The following FEM1C variants were observed in gnomAD, a reference collection of about 807,000 sequenced individuals.
The protein encoded by FEM1C is protein fem-1 homolog C.
FEM1C carries 15 observed loss-of-function variants against 37.6 expected under a neutral mutation model. The observed-to-expected ratio is 0.40, with a 90% CI of 0.27 to 0.61. The LOEUF is 0.61. Among genes scored for constraint, FEM1C ranks in the 20% least tolerant of loss-of-function variants. FEM1C has a pLI of 0.42. For synonymous variants in FEM1C, 287 were observed against 272.8 expected, an observed-to-expected ratio of 1.05 and a Z score of -0.51; for missense variants, 532 against 749.7, an observed-to-expected ratio of 0.71 and a Z score of 3.39.
intron 2 of FEM1C, among the ~76,000 whole-genome samples, chr5:115,537,668 A>T (rs1754156532): frequency 6.6e-6 from 1 of 152,110 alleles, no homozygotes; most frequent in African/African-American, 2.4e-5. Flanking sequence ...TAATGACTTC[A>T]ACTAGTAAGT....
intron 2 of FEM1C, among the ~76,000 whole-genome samples, chr5:115,540,771 A>T (rs752977913): frequency 6.6e-6 from 1 of 152,116 alleles, no homozygotes; most frequent in Non-Finnish European, 1.5e-5. Context: ...CTCTCCAATA[A>T]CATAGGCTTT....
chr5:115,534,899 T>A lies in FEM1C; in HGVS notation c.544+8051A>T, dbSNP rs574254101. ...GCAAGAAAATAGAGAAGGATTCTTA[T>A]TTTCTTGTTTGCTATATAGATACTT... On this transcript the variant is annotated intron_variant, in intron 2 of 2. Transcript: ENST00000274457. 8.0e-4 allele frequency among the ~76,000 whole-genome samples: 122 copies of A among 152,058 alleles called. 1 individual carries two copies. Among genetic ancestry groups the A allele is most frequent in the African/African-American group, 2.5e-3 (104 of 41,532 alleles).
chr5:115,543,720 T>G, intron 1 of FEM1C, 37 bp from the exon 2 acceptor site: 4 of 1,345,014 alleles, frequency 3.0e-6, no homozygotes, highest in Non-Finnish European at 3.8e-6. Context: ...CATTTAATTT[T>G]CTATAGAAGA....
At chr5:115,529,024 A>G (rs1050201398) in intron 2 of FEM1C, among the ~76,000 whole-genome samples, 4 of 152,108 alleles carry the variant, frequency 2.6e-5, no homozygotes, top group Admixed American at 2.0e-4. Flanking sequence ...TGGTAAAAGA[A>G]CAGAAAAGAT....
chr5:115,526,042 T>G (rs2127169196), intron 2 of FEM1C, among the ~76,000 whole-genome samples: 1 of 152,180 alleles, frequency 6.6e-6, no homozygotes, highest in South Asian at 2.1e-4. Flanking sequence ...TTTTTTTTCT[T>G]TAGAGACCAG....
At chr5:115,542,740 G>A (rs1395703551) in intron 2 of FEM1C, among the ~76,000 whole-genome samples, 10 of 152,162 alleles carry the variant, frequency 6.6e-5, no homozygotes, top group African/African-American at 2.4e-4. Context: ...AGAAAATACT[G>A]CTTAACAGAG....
At position 115,525,196 on chromosome 5, in the gene FEM1C, T is replaced by C. The variant is rs777071083; in HGVS notation, c.966A>G (p.Ala322=). 6 of 1,613,438 alleles carry C rather than the reference T, an allele frequency of 3.7e-6. No individual in the cohort carries two copies. The highest frequency in any genetic ancestry group is 3.3e-5 in the Admixed American group (2 of 59,966). The change falls in exon 3 of 3, where the codon GCA becomes GCG. Residue 322 remains alanine (A), a synonymous_variant. Transcript: ENST00000274457. ...IADPDEMRMQ[A]LLIRERILGP... ...CAAGAATACGTTCTCTGATTAATAG[T>C]GCCTGCATTCTCATCTCATCAGGAT...
chr5:115,539,014 C>T (rs975752091), intron 2 of FEM1C, among the ~76,000 whole-genome samples: 1 of 152,002 alleles, frequency 6.6e-6, no homozygotes, highest in African/African-American at 2.4e-5. Context: ...TATACTATTC[C>T]TTCAGAAGTT....
chr5:115,536,384 A>G (rs892393807), intron 2 of FEM1C, among the ~76,000 whole-genome samples: 2 of 151,988 alleles, frequency 1.3e-5, no homozygotes, highest in Non-Finnish European at 1.5e-5. Flanking sequence ...TCTTCAGCCT[A>G]CTATGCTTGG....
intron 1 of FEM1C, chr5:115,544,141 C>A (rs1390616903): frequency 1.0e-6 from 1 of 985,456 alleles, no homozygotes; most frequent in Non-Finnish European, 1.2e-6. Context: ...ACACACCAAA[C>A]CCCGGCTAAG....
rs958231987 is a variant in FEM1C, at chr5:115,521,172, G to C, written c.*3136C>G. 2 of 151,510 alleles carry C rather than the reference G, an allele frequency of 1.3e-5. No individual in the cohort carries two copies. The highest frequency in any genetic ancestry group is 4.8e-5 in the African/African-American group (2 of 41,346). The allele number at this position is 151,510 out of a possible 1,614,324, so 9.4% of individuals were successfully genotyped here. A position where few individuals can be genotyped will look rare whatever the true frequency, so the allele number is the denominator to read the frequency against. On this transcript the variant is annotated 3_prime_UTR_variant, in exon 3 of 3. Transcript: ENST00000274457. ...AACTCTAAAATGGTTAAAGTTCTAG[G>C]CAATAATGCTGCTGTTACAGTGTAA...
Position 115,526,026 on chromosome 5 carries a change from G to A in FEM1C, c.545-409C>T, listed in dbSNP as rs560303627. Among the ~76,000 whole-genome samples the A allele has an allele frequency of 2.0e-5, 3 of 151,768 alleles. No homozygotes were observed. The South Asian group carries it at 6.3e-4, about 32-fold the overall frequency. On this transcript the variant is annotated intron_variant, in intron 2 of 2. Transcript: ENST00000274457. ...TTCCACATTTATAAACAAGGAATTGGTCTTTTTTTTTTTCTTTAGAGACCA... is the reference window on the plus strand; with the variant it reads ...TTCCACATTTATAAACAAGGAATTGATCTTTTTTTTTTTCTTTAGAGACCA...
chr5:115,524,021 AAC>A lies in FEM1C; in HGVS notation c.*285_*286del. 3.2e-6 allele frequency: 1 copy of A among 311,548 alleles called. No individual in the cohort carries two copies. Among genetic ancestry groups the A allele is most frequent in the Non-Finnish European group, 5.9e-6 (1 of 170,230 alleles). 19.3% of individuals were successfully genotyped at this position (311,548 alleles called of 1,614,324 possible). A position where few individuals can be genotyped will look rare whatever the true frequency, so the allele number is the denominator to read the frequency against. ...TGGAGAAATGGTTAACTCTGCCCCA[AAC>A]ACCCAACAGCAAACAAAACCAGAAT... is the stretch of plus-strand genomic sequence containing the variant. On this transcript the variant is annotated 3_prime_UTR_variant, in exon 3 of 3. Transcript: ENST00000274457.
At chr5:115,538,598 A>C (rs1014871906) in intron 2 of FEM1C, among the ~76,000 whole-genome samples, 1 of 151,934 alleles carries the variant, frequency 6.6e-6, no homozygotes, top group Non-Finnish European at 1.5e-5. Flanking sequence ...ATGCAGTTAG[A>C]TAAGTTTCTC....
rs1190634775 is a variant in FEM1C, at chr5:115,523,317, A to G, written c.*991T>C. 1 of 152,516 alleles carries G rather than the reference A, an allele frequency of 6.6e-6. No individual in the cohort carries two copies. Among genetic ancestry groups the G allele is most frequent in the African/African-American group, 2.4e-5 (1 of 41,448 alleles). 9.4% of individuals were successfully genotyped at this position (152,516 alleles called of 1,614,324 possible). On this transcript the variant is annotated 3_prime_UTR_variant, in exon 3 of 3. Transcript: ENST00000274457. ...TGCAGTTCAATTACTGAGTATTTCAATGTGACTCATTAAGCTGTGTGATGA... is the reference window on the plus strand; with the variant it reads ...TGCAGTTCAATTACTGAGTATTTCAGTGTGACTCATTAAGCTGTGTGATGA...
In FEM1C at chr5:115,542,978, C is replaced by A. The variant is rs1374412512; in HGVS notation, c.516G>T (p.Gly172=). The A allele has an allele frequency of 6.2e-7, 1 of 1,613,604 alleles. No homozygotes were observed. The highest frequency in any genetic ancestry group is 8.5e-7 in the Non-Finnish European group (1 of 1,179,600). The change falls in exon 2 of 3, where the codon GGG becomes GGT. Residue 172 remains glycine (G), a synonymous_variant. Coordinates refer to ENST00000274457, the MANE Select transcript of FEM1C (RefSeq NM_020177.3). ...KEIAQYLLEK[G]ADVNRKSVKG... ...TGACACTTTTTCTATTAACATCTGC[C>A]CCCTTTTCAAGTAAATACTGAGCAA...
chr5:115,543,894 C>T, intron 1 of FEM1C: 1 of 985,228 alleles, frequency 1.0e-6, no homozygotes. Flanking sequence ...CGCAGGCAGT[C>T]TCCTCCATGT....
intron 1 of FEM1C, chr5:115,543,957 CAGCCA>C (rs1258995158): frequency 2.0e-6 from 2 of 985,226 alleles, no homozygotes; most frequent in East Asian, 2.3e-4. Flanking sequence ...CAGCTCTAAC[CAGCCA>C]AGCTTTGTTC....
chr5:115,520,995 C>T lies in FEM1C; in HGVS notation c.*3313G>A, dbSNP rs1015657051. 18 of 149,012 alleles carry T rather than the reference C, an allele frequency of 1.2e-4. No individual in the cohort carries two copies. The highest frequency in any genetic ancestry group is 4.0e-4 in the African/African-American group (16 of 40,294). 9.2% of individuals were successfully genotyped at this position (149,012 alleles called of 1,614,324 possible). On this transcript the variant is annotated 3_prime_UTR_variant, in exon 3 of 3. Coordinates refer to ENST00000274457, the MANE Select transcript of FEM1C (RefSeq NM_020177.3). ...GTGTGACAATTTATTAGCTGGCATC[C>T]GAATACAGTACTTCTTTTGAAAAAA...
Sources: allele counts gnomAD v4.1 joint callset (sites outside exome capture counted in the v4.1 genomes callset), GRCh38; gene constraint gnomAD v4.1.1; transcripts MANE v1.5; gene names NCBI Gene and HGNC (gene_info 2026-07-23, HGNC 2026-07-21).